The following SCN9A variants were observed in gnomAD, a reference collection of about 807,000 sequenced individuals.
SCN9A encodes sodium channel protein type 9 subunit alpha.
Under a neutral mutation model 187.0 loss-of-function variants are expected in SCN9A, and 131 were observed. The ratio of observed to expected loss-of-function variants is 0.70; its 90% CI spans 0.61 to 0.81. SCN9A has a LOEUF of 0.81. Among genes scored for constraint, SCN9A ranks in the 30% least tolerant of loss-of-function variants. The probability of loss-of-function intolerance (pLI) is 0.00; values close to 1 mark genes in which losing one functional copy is unlikely to be tolerated. For missense variants in SCN9A, 2,252 were observed against 2,396.6 expected (o/e 0.94, Z 1.26); for synonymous variants, 809 against 808.6 (o/e 1.00, Z -0.01).
chr2:166,321,312 G>A (rs1384659339), intron 1 of SCN9A: 1 of 152,092 alleles, frequency 6.6e-6, no homozygotes, highest in Admixed American at 6.5e-5. Context: ...TTGAGGGCAG[G>A]AGTTCAAGAA....
chr2:166,245,394 G>A (rs765128534), intron 18 of SCN9A, among the ~76,000 whole-genome samples: 42 of 151,884 alleles, frequency 2.8e-4, no homozygotes, highest in Non-Finnish European at 1.2e-4. Context: ...CACTAGGACA[G>A]GTAGAGGAGA....
intron 1 of SCN9A, among the ~76,000 whole-genome samples, chr2:166,360,407 C>T (rs1216916164): frequency 6.6e-6 from 1 of 152,072 alleles, no homozygotes; most frequent in African/African-American, 2.4e-5. Flanking sequence ...TCTTAGTTCA[C>T]GTTAAATCCC....
At position 166,272,492 on chromosome 2, in the gene SCN9A, T is replaced by C. The variant is rs775911633; in HGVS notation, c.3258A>G (p.Thr1086=). 1.2e-6 allele frequency: 2 copies of C among 1,613,178 alleles called. No individual in the cohort carries two copies. Among genetic ancestry groups the C allele is most frequent in the South Asian group, 1.1e-5 (1 of 91,016 alleles). The change falls in exon 17 of 27, where the codon ACA becomes ACG. Residue 1086 remains threonine, a synonymous_variant. Transcript: ENST00000642356. ...CCCCAGGTGCAATTGGCACTGTCAC[T>C]GTGAGGCTGGGATTGTGAATAAATG... ...GQSFIHNPSL[T]VTVPIAPGES...
At chr2:166,365,184 A>G (rs1191178301) in intron 1 of SCN9A, among the ~76,000 whole-genome samples, 1 of 152,196 alleles carries the variant, frequency 6.6e-6, no homozygotes, top group African/African-American at 2.4e-5. Flanking sequence ...AAGAGGTTCC[A>G]AGAATCCAAT....
intron 18 of SCN9A, among the ~76,000 whole-genome samples, chr2:166,251,107 A>G (rs1696015465): frequency 6.6e-6 from 1 of 152,090 alleles, no homozygotes; most frequent in South Asian, 2.1e-4. Context: ...GAGTGAGGTT[A>G]GAGGTAAAGA....
intron 12 of SCN9A, 113 bp from the exon 13 acceptor site, chr2:166,281,921 G>A: frequency 3.2e-6 from 3 of 946,992 alleles, no homozygotes; most frequent in Non-Finnish European, 4.6e-6. Context: ...AGCCTAGATT[G>A]CTGGGTTCAA....
At chr2:166,253,992 C>T (rs1265665078) in intron 17 of SCN9A, among the ~76,000 whole-genome samples, 1 of 151,734 alleles carries the variant, frequency 6.6e-6, no homozygotes, top group Non-Finnish European at 1.5e-5. Flanking sequence ...TTGGTTTTCT[C>T]ACTGTTTAAG....
At chr2:166,293,110 A>G in intron 9 of SCN9A, 121 bp downstream of exon 9, 1 of 794,354 alleles carries the variant, frequency 1.3e-6, no homozygotes. Flanking sequence ...AATTTTGGTA[A>G]TAAGATAATA....
intron 1 of SCN9A, among the ~76,000 whole-genome samples, chr2:166,364,891 G>C (rs1037455142): frequency 6.6e-6 from 1 of 152,058 alleles, no homozygotes; most frequent in South Asian, 2.1e-4. Flanking sequence ...AGATCCGTAA[G>C]GCAGAAAGAG....
chr2:166,258,505 T>C (rs1390580512), intron 17 of SCN9A, among the ~76,000 whole-genome samples: 1 of 151,552 alleles, frequency 6.6e-6, no homozygotes. Context: ...ATGCATTTTA[T>C]ATAGGAGCAA....
rs1191199352 is a variant in SCN9A at position 166,303,087 on chromosome 2, T to C, written c.901+3A>G. On this transcript the variant is annotated splice_donor_region_variant and intron_variant, in intron 7 of 26. Coordinates refer to ENST00000642356, the MANE Select transcript of SCN9A (RefSeq NM_001365536.1). ...CTAATAACAAATGCAAGGACATTCTTACTTCTAAAGTCTTCTTCACTCTCT... is the reference window on the plus strand; with the variant it reads ...CTAATAACAAATGCAAGGACATTCTCACTTCTAAAGTCTTCTTCACTCTCT... 2 of 1,575,476 alleles carry C rather than the reference T, an allele frequency of 1.3e-6. No homozygotes were observed. Among genetic ancestry groups the C allele is most frequent in the African/African-American group, 1.3e-5 (1 of 74,242 alleles).
In SCN9A at chr2:166,199,707, C is replaced by T. The variant is rs201186665; in HGVS notation, c.4932G>A (p.Leu1644=). 38 of 1,613,968 alleles carry T rather than the reference C, an allele frequency of 2.4e-5. No individual in the cohort carries two copies. The highest frequency in any genetic ancestry group is 4.0e-5 in the African/African-American group (3 of 74,894). The change falls in exon 27 of 27, where the codon TTG becomes TTA. Residue 1644 remains leucine, a synonymous_variant. Transcript: ENST00000642356. The part of the protein sequence containing the change: ...LFALMMSLPA[L]FNIGLLLFLV... Reference sequence around the variant, plus strand: ...GGAAGAGCAGGAGGCCGATGTTAAACAACGCAGGAAGGGACATCATCAAAG... The same window carrying T: ...GGAAGAGCAGGAGGCCGATGTTAAATAACGCAGGAAGGGACATCATCAAAG...
In SCN9A at chr2:166,311,766, C is replaced by A. The variant is rs202211195; in HGVS notation, c.-10G>T. ...GAGGCAACATTGCCATCTTTTCATCCTGTATATTTTAATTCCTCTTCAGCT... is the reference window on the plus strand; with the variant it reads ...GAGGCAACATTGCCATCTTTTCATCATGTATATTTTAATTCCTCTTCAGCT... On this transcript the variant is annotated 5_prime_UTR_variant, in exon 2 of 27. It adds an upstream start codon to the 5' untranslated region. Transcript: ENST00000642356. 8.9e-6 allele frequency: 14 copies of A among 1,581,606 alleles called. No homozygotes were observed. Among genetic ancestry groups the A allele is most frequent in the Admixed American group, 5.2e-5 (3 of 58,156 alleles).
intron 1 of SCN9A, among the ~76,000 whole-genome samples, chr2:166,343,061 T>C (rs1295265322): frequency 1.3e-5 from 2 of 152,246 alleles, no homozygotes; most frequent in African/African-American, 4.8e-5. Context: ...CTAGAGCCTG[T>C]AAAATTAACT....
chr2:166,344,026 A>G (rs1280528915), intron 1 of SCN9A, among the ~76,000 whole-genome samples: 1 of 152,192 alleles, frequency 6.6e-6, no homozygotes, highest in African/African-American at 2.4e-5. Context: ...AGGATCATGG[A>G]GAATTATCTA....
intron 2 of SCN9A, among the ~76,000 whole-genome samples, chr2:166,308,113 G>T (rs1698815907): frequency 6.6e-6 from 1 of 152,090 alleles, no homozygotes; most frequent in Non-Finnish European, 1.5e-5. Flanking sequence ...CCCTTTCACT[G>T]TATCAGTTCT....
intron 10 of SCN9A, among the ~76,000 whole-genome samples, chr2:166,287,233 A>T (rs1185871210): frequency 6.6e-6 from 1 of 152,130 alleles, no homozygotes; most frequent in Non-Finnish European, 1.5e-5. Flanking sequence ...ATATAAATGA[A>T]AAACAGAAAA....
intron 1 of SCN9A, among the ~76,000 whole-genome samples, chr2:166,325,911 A>G (rs1699350927): frequency 6.6e-6 from 1 of 152,182 alleles, no homozygotes; most frequent in Non-Finnish European, 1.5e-5. Flanking sequence ...AATATTTTAA[A>G]TTACTCTCCT....
intron 1 of SCN9A, among the ~76,000 whole-genome samples, chr2:166,343,718 C>A (rs757851276): frequency 9.2e-5 from 14 of 152,096 alleles, no homozygotes; most frequent in African/African-American, 2.9e-4. Context: ...TTTGCTTGAG[C>A]CCCTGGGGAT....
Sources: allele counts gnomAD v4.1 joint callset (sites outside exome capture counted in the v4.1 genomes callset), GRCh38; gene constraint gnomAD v4.1.1; transcripts MANE v1.5; gene names NCBI Gene and HGNC (gene_info 2026-07-23, HGNC 2026-07-21).